Variants in PDGFRL observed in about 807,000 individuals in gnomAD.
PDGFRL encodes the protein platelet derived growth factor receptor like, also known as platelet-derived growth factor receptor-like protein.
A neutral mutation model predicts 37.2 loss-of-function variants in PDGFRL; 46 were observed. The ratio of observed to expected loss-of-function variants is 1.24; its 90% confidence interval spans 0.98 to 1.58. PDGFRL has a LOEUF of 1.58. PDGFRL is among the 40% of genes most tolerant of loss of function. The probability of loss-of-function intolerance (pLI) is 0.00; values close to 1 mark genes in which losing one functional copy is unlikely to be tolerated. For missense variants in PDGFRL, 692 were observed against 467.6 expected (o/e 1.48, Z -4.43); for synonymous variants, 251 against 184.3 (o/e 1.36, Z -2.93).
chr8:17,580,147 G>C (rs890410943), intron 1 of PDGFRL, among the ~76,000 whole-genome samples: 1 of 152,118 alleles, frequency 6.6e-6, no homozygotes, highest in Admixed American at 6.5e-5. Flanking sequence ...CTGGTCTTCA[G>C]TAACCTGGGT....
intron 2 of PDGFRL, among the ~76,000 whole-genome samples, chr8:17,614,492 C>G (rs575402224): frequency 8.5e-5 from 13 of 152,322 alleles, no homozygotes; most frequent in African/African-American, 2.9e-4. Context: ...CTTTATCGCT[C>G]TTGATTCTTG....
At chr8:17,633,660 C>T (rs1013164081) in intron 4 of PDGFRL, among the ~76,000 whole-genome samples, 2 of 152,218 alleles carry the variant, frequency 1.3e-5, no homozygotes, top group African/African-American at 4.8e-5. Context: ...TTTAGATTTT[C>T]TGTTCGTCTT....
Position 17,634,071 on chromosome 8 carries a change from C to T in PDGFRL, c.800-3C>T, listed in dbSNP as rs1804918322. The T allele has an allele frequency of 1.2e-6, 2 of 1,614,004 alleles. No homozygotes were observed. Among genetic ancestry groups the T allele is most frequent in the Non-Finnish European group, 1.7e-6 (2 of 1,179,854 alleles). On this transcript the variant is annotated splice_polypyrimidine_tract_variant and splice_region_variant and intron_variant, in intron 4 of 5. Transcript: ENST00000251630. ...ACTCTGCCTGTTTCGTGCTTGCTTC[C>T]AGTTCCCAGTGGCCCTCCCTCAACA...
intron 2 of PDGFRL, among the ~76,000 whole-genome samples, chr8:17,616,195 T>C (rs911653070): frequency 1.3e-5 from 2 of 151,170 alleles, no homozygotes; most frequent in Admixed American, 1.3e-4. Flanking sequence ...TTTATTTATT[T>C]ATTTATTTAT....
chr8:17,588,980 GTT>G (rs1184312917), intron 1 of PDGFRL, among the ~76,000 whole-genome samples: 3 of 152,070 alleles, frequency 2.0e-5, no homozygotes, highest in Non-Finnish European at 4.4e-5. Flanking sequence ...ATTTTTTAAT[GTT>G]TTAAAATTAA....
chr8:17,582,941 C>T (rs1384048805), intron 1 of PDGFRL, among the ~76,000 whole-genome samples: 1 of 152,146 alleles, frequency 6.6e-6, no homozygotes, highest in Non-Finnish European at 1.5e-5. Flanking sequence ...CTGCCCCTAT[C>T]TCAGGTGCAC....
At chr8:17,641,896 T>TCCCCGCCCCCCCCCACCCCCCCCCCCC (rs67098871) in intron 5 of PDGFRL, among the ~76,000 whole-genome samples, 1 of 103,888 alleles carries the variant, frequency 9.6e-6, no homozygotes, top group African/African-American at 4.7e-5. Context: ...TCAATAGAGG[T>TCCCCGCCCCCCCCCACCCCCCCCCCCC]CCCCGCCACA....
At chr8:17,620,187 C>G (rs146965573) in intron 2 of PDGFRL, among the ~76,000 whole-genome samples, 19 of 152,250 alleles carry the variant, frequency 1.2e-4, no homozygotes, top group African/African-American at 4.6e-4. Flanking sequence ...GTCTCAAACT[C>G]CTGGCCTCAA....
At chr8:17,577,196 C>A (rs1803602640), upstream of PDGFRL, 11 of 1,578,326 alleles carry the variant, frequency 7.0e-6, no homozygotes, top group Admixed American at 1.8e-5. Context: ...GCCTCCCCTG[C>A]GTCCCCGCCC....
At chr8:17,616,876 G>C (rs1804540492) in intron 2 of PDGFRL, among the ~76,000 whole-genome samples, 1 of 152,084 alleles carries the variant, frequency 6.6e-6, no homozygotes, top group African/African-American at 2.4e-5. Context: ...CTTGCCCTTG[G>C]CTTGCAGAGT....
intron 1 of PDGFRL, among the ~76,000 whole-genome samples, chr8:17,588,470 A>C (rs554026459): frequency 1.8e-4 from 27 of 151,500 alleles, no homozygotes; most frequent in African/African-American, 6.5e-4. Context: ...TGAGGCCAGG[A>C]GTTTGAGACC....
At chr8:17,588,649 G>A (rs1211257590) in intron 1 of PDGFRL, among the ~76,000 whole-genome samples, 1 of 152,146 alleles carries the variant, frequency 6.6e-6, no homozygotes, top group East Asian at 1.9e-4. Context: ...TTCCAGCCTG[G>A]GTGACAGAGT....
At chr8:17,597,151 G>A (rs1804071592) in intron 2 of PDGFRL, among the ~76,000 whole-genome samples, 1 of 152,182 alleles carries the variant, frequency 6.6e-6, no homozygotes, top group South Asian at 2.1e-4. Flanking sequence ...CTCCCGAGTA[G>A]CTGATACTAC....
intron 2 of PDGFRL, among the ~76,000 whole-genome samples, chr8:17,612,250 T>C (rs1804433820): frequency 6.6e-6 from 1 of 152,262 alleles, no homozygotes; most frequent in Non-Finnish European, 1.5e-5. Context: ...TGAGCCCTTG[T>C]GCTTACGCAT....
intron 5 of PDGFRL, among the ~76,000 whole-genome samples, chr8:17,640,677 G>C (rs1031942765): frequency 1.3e-5 from 2 of 152,160 alleles, no homozygotes; most frequent in African/African-American, 2.4e-5. Flanking sequence ...GGAGGTGGCA[G>C]GGGAGTGAAA....
chr8:17,606,303 T>C (rs1156601601), intron 2 of PDGFRL, among the ~76,000 whole-genome samples: 1 of 152,198 alleles, frequency 6.6e-6, no homozygotes, highest in Non-Finnish European at 1.5e-5. Flanking sequence ...GTGAGTGTCT[T>C]TTGTATGCGA....
intron 2 of PDGFRL, among the ~76,000 whole-genome samples, chr8:17,599,229 C>G (rs181178458): frequency 1.3e-5 from 2 of 152,074 alleles, no homozygotes; most frequent in Admixed American, 6.6e-5. Context: ...CCTGGTGCAC[C>G]CGTCGTCACC....
At chr8:17,642,113 A>C (rs1276783710) in intron 5 of PDGFRL, among the ~76,000 whole-genome samples, 1 of 152,102 alleles carries the variant, frequency 6.6e-6, no homozygotes, top group Non-Finnish European at 1.5e-5. Context: ...TAGAGTCCTA[A>C]GGCACACTGG....
rs539369422 is a variant in PDGFRL, at chr8:17,609,008, C to T, written c.354-12043C>T. Reference sequence around the variant, plus strand: ...CTGAGGCAGGAGGATCACTTGAGCCCGGGAGTTTGAGACCAGCCTGAGCAA... The same window carrying T: ...CTGAGGCAGGAGGATCACTTGAGCCTGGGAGTTTGAGACCAGCCTGAGCAA... On this transcript the variant is annotated intron_variant, in intron 2 of 5. Coordinates refer to ENST00000251630, the MANE Select transcript of PDGFRL (RefSeq NM_001372073.1). Among the ~76,000 whole-genome samples, 32 of 152,194 alleles carry T rather than the reference C, an allele frequency of 2.1e-4. No homozygotes were observed. The South Asian group carries it at 3.1e-3, about 15-fold the overall frequency.
Sources: gnomAD v4.1 joint callset for allele counts (sites outside exome capture counted in the v4.1 genomes callset) on GRCh38, gnomAD v4.1.1 for gene constraint, MANE v1.5 for transcripts, NCBI Gene and HGNC (gene_info 2026-07-23, HGNC 2026-07-21) for gene names.